Variants in LRRC37A2 observed in about 807,000 individuals in gnomAD.
The protein encoded by LRRC37A2 is leucine-rich repeat-containing protein 37A2.
In LRRC37A2, 9 loss-of-function variants were observed where a neutral mutation model predicts 68.8. That is an observed-to-expected ratio of 0.13 (90% CI 0.08 to 0.23). The LOEUF is 0.23. LRRC37A2 is among the 10% of genes least tolerant of loss of function. The pLI, the probability that LRRC37A2 is intolerant of heterozygous loss-of-function variation, is 1.00. For synonymous variants in LRRC37A2, 63 were observed against 367.6 expected, an observed-to-expected ratio of 0.17 and a Z score of 9.48; for missense variants, 168 against 950.4, an observed-to-expected ratio of 0.18 and a Z score of 10.82.
the LRRC37A2 span, among the ~76,000 whole-genome samples, chr17:46,896,638 G>T: frequency 6.6e-6 from 1 of 152,032 alleles, no homozygotes; most frequent in South Asian, 2.1e-4. Context: ...CAAGGTTAGC[G>T]CACAGGTCAT....
At chr17:46,960,313 G>A in the LRRC37A2 span, among the ~76,000 whole-genome samples, 1 of 152,134 alleles carries the variant, frequency 6.6e-6, no homozygotes, top group Admixed American at 6.5e-5. Context: ...TACACACTTG[G>A]CATACATACA....
the LRRC37A2 span, among the ~76,000 whole-genome samples, chr17:46,867,491 C>T: frequency 2.0e-5 from 3 of 152,216 alleles, no homozygotes; most frequent in Non-Finnish European, 2.9e-5. Flanking sequence ...ACCAGACTAC[C>T]TAGGCCAGAA....
At chr17:46,755,692 T>C in the LRRC37A2 span, 1 of 1,219,786 alleles carries the variant, frequency 8.2e-7, no homozygotes, top group Non-Finnish European at 1.1e-6. Flanking sequence ...TAGTGGGAAA[T>C]GTAGGATAAC....
the LRRC37A2 span, chr17:47,017,366 G>T: frequency 6.4e-7 from 1 of 1,558,046 alleles, no homozygotes; most frequent in Non-Finnish European, 8.8e-7. Context: ...GGCCGCCTGA[G>T]CCCTGGTCTT....
the LRRC37A2 span, among the ~76,000 whole-genome samples, chr17:46,850,669 T>C: frequency 6.6e-6 from 1 of 152,230 alleles, no homozygotes; most frequent in African/African-American, 2.4e-5. Flanking sequence ...GTATGTCTCC[T>C]TTCTAGACAG....
chr17:46,875,026 AG>A, the LRRC37A2 span: 4 of 1,610,558 alleles, frequency 2.5e-6, no homozygotes, highest in Non-Finnish European at 3.4e-6. Flanking sequence ...AGAGGGCGGC[AG>A]GCAACCTCTA....
the LRRC37A2 span, among the ~76,000 whole-genome samples, chr17:46,841,896 T>C: frequency 6.6e-6 from 1 of 152,200 alleles, no homozygotes; most frequent in Non-Finnish European, 1.5e-5. Flanking sequence ...CTCTGCGGTG[T>C]GTGGGGGGGT....
At chr17:46,789,212 T>C in the LRRC37A2 span, among the ~76,000 whole-genome samples, 1 of 152,152 alleles carries the variant, frequency 6.6e-6, no homozygotes, top group Admixed American at 6.5e-5. Context: ...GAGGCCACCC[T>C]CCCTGCCTCA....
the LRRC37A2 span, chr17:46,941,998 A>G: frequency 1.0e-6 from 1 of 973,554 alleles, no homozygotes; most frequent in Non-Finnish European, 1.2e-6. Flanking sequence ...AGTCCAAAAT[A>G]AATTCTTACT....
the LRRC37A2 span, chr17:46,941,158 T>A: frequency 9.9e-7 from 1 of 1,007,776 alleles, no homozygotes; most frequent in Non-Finnish European, 1.2e-6. Flanking sequence ...ACATGGACAT[T>A]TACTTCAGGG....
the LRRC37A2 span, among the ~76,000 whole-genome samples, chr17:46,764,869 C>T: frequency 5.3e-5 from 8 of 152,186 alleles, no homozygotes; most frequent in African/African-American, 1.9e-4. Flanking sequence ...CTACCTCCCC[C>T]ACCTCTAGCT....
chr17:47,047,747 C>T, the LRRC37A2 span, among the ~76,000 whole-genome samples: 173 of 151,972 alleles, frequency 1.1e-3, 1 homozygote, highest in African/African-American at 3.6e-3. Context: ...CTGAGAGCTT[C>T]TGGTTCCATA....
At chr17:46,950,627 G>A in the LRRC37A2 span, among the ~76,000 whole-genome samples, 1 of 152,164 alleles carries the variant, frequency 6.6e-6, no homozygotes. Context: ...CTTAGCGGGG[G>A]AGATGACCCC....
chr17:46,741,978 A>C, the LRRC37A2 span, among the ~76,000 whole-genome samples: 15 of 152,050 alleles, frequency 9.9e-5, no homozygotes, highest in Non-Finnish European at 1.6e-4. Flanking sequence ...CTAGTCTCCA[A>C]CTCCTGACCT....
chr17:46,840,603 T>C, the LRRC37A2 span, among the ~76,000 whole-genome samples: 5 of 152,354 alleles, frequency 3.3e-5, no homozygotes, highest in East Asian at 9.6e-4. Flanking sequence ...ATTGAACTAA[T>C]TTACACTCCC....
chr17:47,007,632 C>A, the LRRC37A2 span, among the ~76,000 whole-genome samples: 1 of 152,196 alleles, frequency 6.6e-6, no homozygotes. Flanking sequence ...AATAACTGTT[C>A]GAGAATGATG....
the LRRC37A2 span, among the ~76,000 whole-genome samples, chr17:46,740,828 A>C: frequency 6.6e-6 from 1 of 151,944 alleles, no homozygotes; most frequent in Admixed American, 6.6e-5. Context: ...CGTCCAGCTA[A>C]TTTTTGTATT....
the LRRC37A2 span, chr17:47,018,889 C>A: frequency 1.1e-5 from 17 of 1,519,194 alleles, no homozygotes; most frequent in Non-Finnish European, 1.5e-5. Context: ...CTTTCTCCAA[C>A]CATGAAGGAG....
At chr17:46,774,010 C>A in the LRRC37A2 span, 1 of 1,502,642 alleles carries the variant, frequency 6.7e-7, no homozygotes, top group South Asian at 1.2e-5. Flanking sequence ...GGTGGAGAGG[C>A]AGAGGGCCTG....
Sources: gnomAD v4.1 joint callset for allele counts (sites outside exome capture counted in the v4.1 genomes callset) on GRCh38, gnomAD v4.1.1 for gene constraint, MANE v1.5 for transcripts, NCBI Gene and HGNC (gene_info 2026-07-23, HGNC 2026-07-21) for gene names.